The following CNNM2 variants were observed in gnomAD, a reference collection of about 807,000 sequenced individuals.
The protein encoded by CNNM2 is metal transporter CNNM2.
CNNM2 carries 12 observed loss-of-function variants against 66.9 expected under a neutral mutation model. That is an observed-to-expected ratio of 0.18 (90% CI 0.11 to 0.29). The LOEUF (loss-of-function observed/expected upper bound fraction) is 0.29, where lower values mean the gene tolerates loss of function less well. Ranked by LOEUF, CNNM2 falls within the 10% of genes least tolerant of loss-of-function variation. The probability of loss-of-function intolerance (pLI) is 1.00; values close to 1 mark genes in which losing one functional copy is unlikely to be tolerated. For missense variants in CNNM2, 705 were observed against 1,167.7 expected, an observed-to-expected ratio of 0.60 and a Z score of 5.77; for synonymous variants, 557 against 501.8, an observed-to-expected ratio of 1.11 and a Z score of -1.47.
chr10:103,007,510 T>A (rs1247176894), intron 1 of CNNM2, among the ~76,000 whole-genome samples: 1 of 152,156 alleles, frequency 6.6e-6, no homozygotes, highest in Admixed American at 6.5e-5. Context: ...AGCGGCCATT[T>A]ATAGACCTCC....
chr10:102,953,477 T>G (rs941811049), intron 1 of CNNM2, among the ~76,000 whole-genome samples: 12 of 152,144 alleles, frequency 7.9e-5, no homozygotes, highest in African/African-American at 2.9e-4. Flanking sequence ...TAGGCTGGTT[T>G]TGAACTCCTG....
intron 4 of CNNM2, among the ~76,000 whole-genome samples, chr10:103,067,096 CTTT>C (rs987865731): frequency 1.4e-5 from 2 of 141,556 alleles, no homozygotes; most frequent in Non-Finnish European, 1.5e-5. Flanking sequence ...GGCATAGCAT[CTTT>C]TTTTTTTTTT....
intron 4 of CNNM2, among the ~76,000 whole-genome samples, chr10:103,058,881 T>C (rs1290666176): frequency 6.6e-6 from 1 of 152,190 alleles, no homozygotes; most frequent in East Asian, 1.9e-4. Context: ...ACAAAGCATA[T>C]TCTACCTAAT....
intron 1 of CNNM2, among the ~76,000 whole-genome samples, chr10:103,036,117 A>C (rs1001685401): frequency 3.3e-5 from 5 of 150,916 alleles, no homozygotes; most frequent in Non-Finnish European, 7.4e-5. Context: ...CCAGAGAAAC[A>C]AAACCAATAG....
intron 1 of CNNM2, among the ~76,000 whole-genome samples, chr10:103,015,507 A>G (rs2064427291): frequency 6.6e-6 from 1 of 150,988 alleles, no homozygotes; most frequent in Admixed American, 6.6e-5. Context: ...GTATGTCATA[A>G]TTCCATACCG....
At chr10:102,964,982 G>T (rs540455266) in intron 1 of CNNM2, among the ~76,000 whole-genome samples, 1 of 152,230 alleles carries the variant, frequency 6.6e-6, no homozygotes, top group South Asian at 2.1e-4. Flanking sequence ...TGCCCTCTGC[G>T]GTGTGAAGAC....
chr10:102,920,988 G>A (rs1176411777), intron 1 of CNNM2: 3 of 556,240 alleles, frequency 5.4e-6, no homozygotes, highest in South Asian at 1.6e-4. Context: ...TCAGTTTAAC[G>A]TGTTCTTTTT....
chr10:103,077,503 G>A lies in CNNM2; in HGVS notation c.*323G>A, dbSNP rs371907410. 17 of 292,986 alleles carry A rather than the reference G, an allele frequency of 5.8e-5. No individual in the cohort carries two copies. The highest frequency in any genetic ancestry group is 3.4e-4 in the African/African-American group (16 of 47,070). The allele number at this position is 292,986 out of a possible 1,614,324, so 18.1% of individuals were successfully genotyped here. On this transcript the variant is annotated 3_prime_UTR_variant, in exon 8 of 8. Transcript: ENST00000369878. ...CTCCTCTGCCCTCGATTTGCATGAAGTTGAAAATTGTTGCGATTTATTTTT... is the reference window on the plus strand; with the variant it reads ...CTCCTCTGCCCTCGATTTGCATGAAATTGAAAATTGTTGCGATTTATTTTT...
At chr10:103,033,116 CAAAA>C (rs528890140) in intron 1 of CNNM2, among the ~76,000 whole-genome samples, 1 of 89,108 alleles carries the variant, frequency 1.1e-5, no homozygotes, top group African/African-American at 4.2e-5. Flanking sequence ...AGACCCTGTC[CAAAA>C]AAAAAAAAAG....
Position 102,918,651 on chromosome 10 carries a change from C to T in CNNM2, c.171C>T (p.Cys57=), listed in dbSNP as rs1845512269. 2.6e-6 allele frequency: 4 copies of T among 1,549,160 alleles called. No individual in the cohort carries two copies. Among genetic ancestry groups the T allele is most frequent in the Admixed American group, 2.0e-5 (1 of 50,760 alleles). Residue 57 remains cysteine (C), a synonymous_variant, in exon 1 of 8, where the codon TGC becomes TGT. Coordinates refer to ENST00000369878, the MANE Select transcript of CNNM2 (RefSeq NM_017649.5). This position sits in a 1 kb window ranked among gnomAD's most constrained non-coding sequence, Gnocchi z 4.1. The part of the protein sequence containing the change: ...RLLPLLLLSC[C]CGAGGCAAVG... ...TGCCGCTGCTCCTGCTGAGCTGCTG[C>T]TGCGGTGCGGGCGGCTGCGCAGCGG...
At chr10:102,980,516 C>T (rs1031859587) in intron 1 of CNNM2, among the ~76,000 whole-genome samples, 2 of 152,024 alleles carry the variant, frequency 1.3e-5, no homozygotes, top group Admixed American at 6.6e-5. Context: ...GTGATCTGCC[C>T]GCCTTGGGCT....
chr10:102,947,867 G>A (rs192402639), intron 1 of CNNM2, among the ~76,000 whole-genome samples: 61 of 152,108 alleles, frequency 4.0e-4, no homozygotes, highest in Non-Finnish European at 5.9e-4. Flanking sequence ...TGGCTAACAC[G>A]GTGAAACCCT....
Position 103,078,638 on chromosome 10 carries a change from G to C in CNNM2, c.*1458G>C, listed in dbSNP as rs1210181957. ...CCCGAGGGATATGTGCAGGTTGTTGGCGCTATTCATGCACTGAAATGAAAT... is the reference window on the plus strand; with the variant it reads ...CCCGAGGGATATGTGCAGGTTGTTGCCGCTATTCATGCACTGAAATGAAAT... On this transcript the variant is annotated 3_prime_UTR_variant, in exon 8 of 8. Transcript: ENST00000369878. 1 of 152,220 alleles carries C rather than the reference G, an allele frequency of 6.6e-6. No individual in the cohort carries two copies. Among genetic ancestry groups the C allele is most frequent in the East Asian group, 1.9e-4 (1 of 5,204 alleles). The allele number at this position is 152,220 out of a possible 1,614,324, so 9.4% of individuals were successfully genotyped here.
At chr10:102,953,598 C>T (rs1846921674) in intron 1 of CNNM2, among the ~76,000 whole-genome samples, 1 of 150,846 alleles carries the variant, frequency 6.6e-6, no homozygotes, top group Non-Finnish European at 1.5e-5. Flanking sequence ...CTCATTCTGT[C>T]ATCCAGGCTG....
intron 1 of CNNM2, among the ~76,000 whole-genome samples, chr10:102,944,581 C>CATGTGTGT (rs3223619): frequency 2.8e-5 from 4 of 143,486 alleles, no homozygotes; most frequent in Non-Finnish European, 4.5e-5. Context: ...TGTATCTTTT[C>CATGTGTGT]GTGTGTGTGT....
At chr10:102,947,141 G>A (rs766366409) in intron 1 of CNNM2, among the ~76,000 whole-genome samples, 22 of 152,020 alleles carry the variant, frequency 1.4e-4, no homozygotes, top group Non-Finnish European at 3.2e-4. Context: ...CCAGTCATAT[G>A]TTTTGTAATC....
rs991079302 is a variant in CNNM2 at position 102,919,886 on chromosome 10, C to A, written c.1406C>A (p.Thr469Asn). The A allele has an allele frequency of 6.2e-7, 1 of 1,614,228 alleles. No individual in the cohort carries two copies. Among genetic ancestry groups the A allele is most frequent in the Non-Finnish European group, 8.5e-7 (1 of 1,180,048 alleles). The part of the protein sequence containing the change: ...ITGEAILDFN[T>N]MSEIMESGYT... ...GGCGAAGCCATCCTGGACTTCAACA[C>A]CATGTCTGAGATCATGGAGAGCGGC... is the stretch of plus-strand genomic sequence containing the variant. The change falls in exon 1 of 8, where the codon ACC becomes AAC. Residue 469 changes from threonine to asparagine, a missense_variant. This residue lies in a region of CNNM2 where 171 missense variants were observed against 304.8 expected (regional missense o/e 0.56). Coordinates refer to ENST00000369878, the MANE Select transcript of CNNM2 (RefSeq NM_017649.5).
rs531493674 is a variant in CNNM2, at chr10:103,058,257, C to CT, written c.2073+1295dup. 7.2e-4 allele frequency among the ~76,000 whole-genome samples: 109 copies of CT among 152,212 alleles called. 1 individual carries two copies. The highest frequency in any genetic ancestry group is 2.6e-3 in the African/African-American group (106 of 41,542). ...CTTTCCTCTTTGGAGATAATGTAAG[C>CT]TTGTAACTCTGAGTGCACTGTTGGG... On this transcript the variant is annotated intron_variant, in intron 4 of 7. Coordinates refer to ENST00000369878, the MANE Select transcript of CNNM2 (RefSeq NM_017649.5).
chr10:102,992,019 C>G (rs1246717309), intron 1 of CNNM2, among the ~76,000 whole-genome samples: 2 of 152,058 alleles, frequency 1.3e-5, no homozygotes, highest in African/African-American at 4.8e-5. Context: ...ATTTACATTA[C>G]CTGTATGTAC....
Sources: gnomAD v4.1 joint callset for allele counts (sites outside exome capture counted in the v4.1 genomes callset) on GRCh38, gnomAD v4.1.1 for gene constraint, gnomAD v4.1.1 regional missense constraint, Gnocchi (gnomAD v3.1) non-coding constraint, MANE v1.5 for transcripts, NCBI Gene and HGNC (gene_info 2026-07-23, HGNC 2026-07-21) for gene names.